Variants in DLGAP2 observed in about 807,000 individuals in gnomAD.
DLGAP2 encodes DLG associated protein 2, also known as disks large-associated protein 2.
Under a neutral mutation model 100.3 loss-of-function variants are expected in DLGAP2, and 26 were observed. That is an observed-to-expected ratio of 0.26 (90% CI 0.19 to 0.36). The LOEUF (loss-of-function observed/expected upper bound fraction) is 0.36, where lower values mean the gene tolerates loss of function less well. DLGAP2 is among the 10% of genes least tolerant of loss of function. DLGAP2 has a pLI of 1.00. For missense variants in DLGAP2, 1,858 were observed against 1,453.2 expected, an observed-to-expected ratio of 1.28 and a Z score of -4.53; for synonymous variants, 886 against 630.1, an observed-to-expected ratio of 1.41 and a Z score of -6.08.
At chr8:1,557,282 C>T (rs911353836) in intron 5 of DLGAP2, among the ~76,000 whole-genome samples, 3 of 152,064 alleles carry the variant, frequency 2.0e-5, no homozygotes, top group Non-Finnish European at 2.9e-5. Flanking sequence ...GCTGTGCAGC[C>T]GGGGGGCTCA....
chr8:1,408,037 A>T (rs1796621491), intron 3 of DLGAP2, among the ~76,000 whole-genome samples: 1 of 152,348 alleles, frequency 6.6e-6, no homozygotes. Flanking sequence ...CAGTCAGGAC[A>T]ACCAAAAATG....
intron 6 of DLGAP2, among the ~76,000 whole-genome samples, chr8:1,602,902 G>T (rs1221007924): frequency 6.6e-6 from 1 of 152,246 alleles, no homozygotes; most frequent in Non-Finnish European, 1.5e-5. Context: ...GCACCCTAAA[G>T]GTGTCGAGTG....
At chr8:825,306 C>T (rs1343154538) in intron 1 of DLGAP2, among the ~76,000 whole-genome samples, 2 of 152,190 alleles carry the variant, frequency 1.3e-5, no homozygotes, top group Admixed American at 6.5e-5. Context: ...GTGGAGCTTT[C>T]TGTGGGAAAC....
intron 2 of DLGAP2, among the ~76,000 whole-genome samples, chr8:923,363 A>G (rs575224119): frequency 6.6e-6 from 1 of 152,314 alleles, no homozygotes; most frequent in South Asian, 2.1e-4. Flanking sequence ...GCGTGGAGGA[A>G]GACTCTGAGG....
At chr8:1,170,519 C>G (rs77584798) in intron 2 of DLGAP2, among the ~76,000 whole-genome samples, 3 of 150,620 alleles carry the variant, frequency 2.0e-5, no homozygotes, top group Non-Finnish European at 4.4e-5. Context: ...GTCCTGGACT[C>G]TTTTTGGTTG....
At chr8:1,087,984 T>G (rs1478215512) in intron 2 of DLGAP2, among the ~76,000 whole-genome samples, 1 of 152,352 alleles carries the variant, frequency 6.6e-6, no homozygotes, top group East Asian at 1.9e-4. Context: ...TCCTTATCCA[T>G]CCTGGATAGA....
intron 2 of DLGAP2, among the ~76,000 whole-genome samples, chr8:924,715 T>G (rs929933208): frequency 1.3e-5 from 2 of 151,980 alleles, no homozygotes; most frequent in Non-Finnish European, 2.9e-5. Context: ...CCTGAGTAGC[T>G]GGGATTACAG....
At chr8:1,052,015 A>G (rs1392703061) in intron 2 of DLGAP2, among the ~76,000 whole-genome samples, 1 of 152,190 alleles carries the variant, frequency 6.6e-6, no homozygotes, top group Non-Finnish European at 1.5e-5. Flanking sequence ...GGGATGCCCC[A>G]CAAGGATGCA....
intron 2 of DLGAP2, among the ~76,000 whole-genome samples, chr8:1,100,236 C>T (rs1804531242): frequency 6.7e-6 from 1 of 149,546 alleles, no homozygotes; most frequent in Non-Finnish European, 1.5e-5. Flanking sequence ...CTTTGTCCAG[C>T]ATGTCCACAG....
intron 2 of DLGAP2, among the ~76,000 whole-genome samples, chr8:1,231,315 A>G (rs1188097414): frequency 2.6e-5 from 4 of 152,234 alleles, no homozygotes; most frequent in East Asian, 1.9e-4. Context: ...CAGAATGACT[A>G]TTATTAAAAA....
rs575840866 is a variant in DLGAP2, at chr8:906,317, T to G, written c.19-1595T>G. ...GTGGCGGAGCCTCCCTGTGGAAACG[T>G]GTGTCTCTGATCTCCACGTGGGGTG... is the stretch of plus-strand genomic sequence containing the variant. On this transcript the variant is annotated intron_variant, in intron 1 of 14. Transcript: ENST00000637795. Among the ~76,000 whole-genome samples, 434 of 152,336 alleles carry G rather than the reference T, an allele frequency of 2.8e-3. 3 individuals carry two copies. The highest frequency in any genetic ancestry group is 0.01 in the African/African-American group (418 of 41,580).
intron 2 of DLGAP2, among the ~76,000 whole-genome samples, chr8:1,185,733 T>TCACACACACACTCACACTCA (rs1797487322): frequency 7.2e-6 from 1 of 139,234 alleles, no homozygotes; most frequent in Non-Finnish European, 1.5e-5. Context: ...ACACTCACAC[T>TCACACACACACTCACACTCA]CACACACACA....
chr8:1,076,447 G>A (rs970711917), intron 2 of DLGAP2, among the ~76,000 whole-genome samples: 2 of 152,218 alleles, frequency 1.3e-5, no homozygotes, highest in African/African-American at 4.8e-5. Context: ...TTAGAGGGCA[G>A]GATGCTTTCG....
chr8:1,619,967 C>T (rs1279441517), intron 6 of DLGAP2: 2 of 152,168 alleles, frequency 1.3e-5, no homozygotes, highest in African/African-American at 2.4e-5. Context: ...GAAAAATGAT[C>T]CCAGGCCCGC....
chr8:1,602,766 A>T (rs1466700394), intron 6 of DLGAP2, among the ~76,000 whole-genome samples: 1 of 152,204 alleles, frequency 6.6e-6, no homozygotes, highest in Non-Finnish European at 1.5e-5. Context: ...ACTGCTCCAG[A>T]TGCTCCCCAA....
At chr8:1,310,112 T>C (rs1800581107) in intron 3 of DLGAP2, among the ~76,000 whole-genome samples, 1 of 150,978 alleles carries the variant, frequency 6.6e-6, no homozygotes, top group South Asian at 2.1e-4. Flanking sequence ...GGAAGGGAGC[T>C]GTTATAAATC....
intron 4 of DLGAP2, among the ~76,000 whole-genome samples, chr8:1,544,735 AT>A (rs35617361): frequency 1.1e-3 from 161 of 145,658 alleles, no homozygotes; most frequent in Admixed American, 1.3e-3. Context: ...ATTTTTGAGG[AT>A]TTTTTTTTTT....
At chr8:1,421,958 T>C (rs1797100710) in intron 3 of DLGAP2, among the ~76,000 whole-genome samples, 1 of 151,862 alleles carries the variant, frequency 6.6e-6, no homozygotes, top group Admixed American at 6.6e-5. Flanking sequence ...AAAGTGAGAC[T>C]CCATCTCAAA....
Position 1,632,853 on chromosome 8 carries a change from A to G in DLGAP2, c.1617A>G (p.Gln539=), listed in dbSNP as rs898737929. ...SQVSEAEING[Q]FESVCESVFS... ...TGAGCGAGGCGGAGATCAATGGGCA[A>G]TTCGAGTCCGTGTGCGAGTCCGTCT... The change falls in exon 8 of 15, where the codon CAA becomes CAG. Residue 539 remains glutamine, a synonymous_variant. Coordinates refer to ENST00000637795, the MANE Select transcript of DLGAP2 (RefSeq NM_001346810.2). 6.8e-6 allele frequency: 11 copies of G among 1,612,914 alleles called. No individual in the cohort carries two copies. The highest frequency in any genetic ancestry group is 4.5e-5 in the East Asian group (2 of 44,870).
Sources: gnomAD v4.1 joint callset for allele counts (sites outside exome capture counted in the v4.1 genomes callset) on GRCh38, gnomAD v4.1.1 for gene constraint, MANE v1.5 for transcripts, NCBI Gene and HGNC (gene_info 2026-07-23, HGNC 2026-07-21) for gene names.